The following ANKS6 variants were observed in gnomAD, a reference collection of about 807,000 sequenced individuals.
The protein encoded by ANKS6 is ankyrin repeat and SAM domain-containing protein 6.
Under a neutral mutation model 77.9 loss-of-function variants are expected in ANKS6, and 47 were observed. The observed-to-expected ratio is 0.60, with a 90% confidence interval of 0.48 to 0.77. The LOEUF (loss-of-function observed/expected upper bound fraction) is 0.77, where lower values mean the gene tolerates loss of function less well. ANKS6 is among the 30% of genes least tolerant of loss of function. The pLI, the probability that ANKS6 is intolerant of heterozygous loss-of-function variation, is 0.00. For missense variants in ANKS6, 1,150 were observed against 1,159.1 expected (o/e 0.99, Z 0.11); for synonymous variants, 488 against 501.7 (o/e 0.97, Z 0.37).
At chr9:98,766,054 C>G (rs143352864) in intron 11 of ANKS6, among the ~76,000 whole-genome samples, 1 of 152,128 alleles carries the variant, frequency 6.6e-6, no homozygotes, top group African/African-American at 2.4e-5. Flanking sequence ...CAGACCCTCC[C>G]GAGAGCCTCA....
chr9:98,795,380 T>C (rs992022905), intron 1 of ANKS6, among the ~76,000 whole-genome samples: 2 of 151,950 alleles, frequency 1.3e-5, no homozygotes, highest in Non-Finnish European at 2.9e-5. Flanking sequence ...CATGACTCCC[T>C]AGCACCTTCC....
chr9:98,765,910 A>G (rs1307851193), intron 11 of ANKS6, among the ~76,000 whole-genome samples: 1 of 152,236 alleles, frequency 6.6e-6, no homozygotes, highest in East Asian at 1.9e-4. Flanking sequence ...TTATCTTTGA[A>G]AAAGCACTTC....
chr9:98,790,403 T>A lies in ANKS6; in HGVS notation c.563A>T (p.Glu188Val). 6.2e-7 allele frequency: 1 copy of A among 1,613,726 alleles called. No homozygotes were observed. Among genetic ancestry groups the A allele is most frequent in the South Asian group, 1.1e-5 (1 of 91,078 alleles). The change falls in exon 2 of 15, where the codon GAG becomes GTG. Residue 188 changes from glutamate (E) to valine (V), a missense_variant. By Grantham distance (121) the Glu-to-Val change is moderately radical. Transcript: ENST00000353234. The stretch of plus-strand genomic sequence containing the variant: ...CATCAGGGCTGTGATGTCCAAGGGC[T>A]CATCCCTGCTGCCGCCCAACCCCAG... The part of the protein sequence containing the change: ...EQLGLGGSRD[E>V]PLDITALMAA...
chr9:98,747,117 T>C (rs549789833), intron 13 of ANKS6, among the ~76,000 whole-genome samples: 5 of 152,238 alleles, frequency 3.3e-5, no homozygotes, highest in Non-Finnish European at 7.3e-5. Flanking sequence ...AACAGCTTTA[T>C]GATCTACATT....
At position 98,778,420 on chromosome 9, in the gene ANKS6, C is replaced by T. The variant is rs1352161022; in HGVS notation, c.1373G>A (p.Trp458Ter). 1.2e-6 allele frequency: 2 copies of T among 1,613,748 alleles called. No individual in the cohort carries two copies. Among genetic ancestry groups the T allele is most frequent in the East Asian group, 2.2e-5 (1 of 44,872 alleles). Residue 458 changes from tryptophan (W) to a stop codon, truncating the protein, a stop_gained, in exon 7 of 15, where the codon TGG becomes TAG. Coordinates refer to ENST00000353234, the MANE Select transcript of ANKS6 (RefSeq NM_173551.5). LOFTEE classifies it high-confidence loss of function. ...LPDDKGGLKS[W>*]WNRMSNRFRK... ...GAACCGATTGGACATTCGGTTCCAC[C>T]AGGACTGCCAAAGGAACGCAGAGCA... is the stretch of plus-strand genomic sequence containing the variant.
Position 98,765,065 on chromosome 9 carries a change from C to T in ANKS6, c.2142+3016G>A, listed in dbSNP as rs149949591. Among the ~76,000 whole-genome samples the T allele has an allele frequency of 1.1e-3, 174 of 152,310 alleles. 1 individual carries two copies. Among genetic ancestry groups the T allele is most frequent in the Middle Eastern group, 0.01 (3 of 294 alleles). On this transcript the variant is annotated intron_variant, in intron 11 of 14. Coordinates refer to ENST00000353234, the MANE Select transcript of ANKS6 (RefSeq NM_173551.5). ...TGCCTGAGTGGAAAAAGAAGACCCT[C>T]CCTGAGGTTTTGAAAGACTTGCCAA...
At chr9:98,762,849 G>T (rs1833088345) in intron 11 of ANKS6, among the ~76,000 whole-genome samples, 1 of 151,536 alleles carries the variant, frequency 6.6e-6, no homozygotes, top group South Asian at 2.1e-4. Flanking sequence ...TTCTTTTCAT[G>T]TTAGTCATAA....
chr9:98,764,788 A>G (rs879589266), intron 11 of ANKS6, among the ~76,000 whole-genome samples: 4 of 152,210 alleles, frequency 2.6e-5, no homozygotes, highest in Admixed American at 6.5e-5. Flanking sequence ...TATACCTTCT[A>G]TTAGGACCTT....
rs1831370215 is a variant in ANKS6, at chr9:98,734,315, G to T, written c.*2204C>A. The T allele has an allele frequency of 1.0e-6, 1 of 985,352 alleles. No individual in the cohort carries two copies. The highest frequency in any genetic ancestry group is 1.2e-6 in the Non-Finnish European group (1 of 830,000). 61.0% of individuals were successfully genotyped at this position (985,352 alleles called of 1,614,324 possible). A position where few individuals can be genotyped will look rare whatever the true frequency, so the allele number is the denominator to read the frequency against. ...AGGGTCATCCAATGAGTTCATGGAGGTCTACATTTGTGAAAAGGTGACCCC... is the reference window on the plus strand; with the variant it reads ...AGGGTCATCCAATGAGTTCATGGAGTTCTACATTTGTGAAAAGGTGACCCC... On this transcript the variant is annotated 3_prime_UTR_variant, in exon 15 of 15. Coordinates refer to ENST00000353234, the MANE Select transcript of ANKS6 (RefSeq NM_173551.5).
intron 11 of ANKS6, among the ~76,000 whole-genome samples, chr9:98,761,346 T>C (rs1004733665): frequency 1.3e-5 from 2 of 152,194 alleles, no homozygotes; most frequent in Admixed American, 6.5e-5. Context: ...CACAGCTCAC[T>C]GCAGCCTTGA....
intron 12 of ANKS6, among the ~76,000 whole-genome samples, chr9:98,756,157 GC>G (rs1379051943): frequency 6.6e-6 from 1 of 152,164 alleles, no homozygotes; most frequent in Non-Finnish European, 1.5e-5. Context: ...TGTTGGAGAA[GC>G]ACTTCCATGG....
At chr9:98,773,847 T>C in intron 9 of ANKS6, 30 bp downstream of exon 9, 1 of 1,480,142 alleles carries the variant, frequency 6.8e-7, no homozygotes, top group East Asian at 2.4e-5. Context: ...CAGTGAGTGA[T>C]GTGTAAAAGT....
intron 2 of ANKS6, among the ~76,000 whole-genome samples, chr9:98,788,396 G>C (rs1279679202): frequency 6.6e-6 from 1 of 151,980 alleles, no homozygotes; most frequent in Non-Finnish European, 1.5e-5. Flanking sequence ...CTGCGAGGGT[G>C]AGGGGAGATT....
intron 11 of ANKS6, among the ~76,000 whole-genome samples, chr9:98,757,853 G>A (rs753581176): frequency 3.3e-5 from 5 of 151,976 alleles, no homozygotes; most frequent in Admixed American, 1.3e-4. Context: ...ACTTGAACCC[G>A]GGAGGCAGAG....
rs184743133 is a variant in ANKS6 at position 98,778,863 on chromosome 9, C to G, written c.1369-439G>C. On this transcript the variant is annotated intron_variant, in intron 6 of 14. Coordinates refer to ENST00000353234, the MANE Select transcript of ANKS6 (RefSeq NM_173551.5). ...GCTCTGGTGATAACGTGAGAGGCAT[C>G]AGGATCTCTATACCAGGGCCTGGGC... is the stretch of plus-strand genomic sequence containing the variant. 1.1e-4 allele frequency among the ~76,000 whole-genome samples: 16 copies of G among 152,322 alleles called. No individual in the cohort carries two copies. The East Asian group carries it at 2.9e-3, about 28-fold the overall frequency.
In ANKS6 at chr9:98,790,551, C is replaced by A; in HGVS notation, c.415G>T (p.Ala139Ser). The part of the protein sequence containing the change: ...LLLDHGADVN[A>S]QNRLGASVLT... ...ACACTGGCCCCCAGCCGGTTCTGGG[C>A]ATTGACATCAGCCCCGTGATCCAAC... Residue 139 changes from alanine to serine, a missense_variant, in exon 2 of 15, where the codon GCC becomes TCC. Physicochemically the swap from Ala to Ser is moderately conservative, Grantham distance 99. Coordinates refer to ENST00000353234, the MANE Select transcript of ANKS6 (RefSeq NM_173551.5). 1.2e-6 allele frequency: 2 copies of A among 1,612,478 alleles called. No individual in the cohort carries two copies. Among genetic ancestry groups the A allele is most frequent in the South Asian group, 1.1e-5 (1 of 91,054 alleles).
rs190075616 is a variant in ANKS6 at position 98,774,008 on chromosome 9, G to T, written c.1690C>A (p.Pro564Thr). The T allele has an allele frequency of 2.4e-4, 385 of 1,583,294 alleles. 2 individuals carry two copies. In the East Asian group the frequency reaches 4.0e-3, roughly 17 times the overall value. The change falls in exon 9 of 15, where the codon CCT becomes ACT. Residue 564 changes from proline (P) to threonine (T), a missense_variant. Pro to Thr is a conservative substitution (Grantham distance 38). Coordinates refer to ENST00000353234, the MANE Select transcript of ANKS6 (RefSeq NM_173551.5). ...GAGCTCCACAGCTCAAAACTGGAAG[G>T]GGGTAGGAATGGGGGGATGACTGCT... is the stretch of plus-strand genomic sequence containing the variant. The part of the protein sequence containing the change: ...LKAVIPPFLP[P>T]SSFELWSSDR...
chr9:98,764,508 G>A (rs1833168591), intron 11 of ANKS6, among the ~76,000 whole-genome samples: 1 of 152,078 alleles, frequency 6.6e-6, no homozygotes, highest in Non-Finnish European at 1.5e-5. Context: ...CCTCTATGCT[G>A]TGGCATTTGA....
In ANKS6 at chr9:98,732,759, A is replaced by C; in HGVS notation, c.*3760T>G. ...AAAGGGAAGAAGAAACGTGCTCAAC[A>C]TCACGCAGCACTAGGTCTATGTCCA... On this transcript the variant is annotated 3_prime_UTR_variant, in exon 15 of 15. Coordinates refer to ENST00000353234, the MANE Select transcript of ANKS6 (RefSeq NM_173551.5). The C allele has an allele frequency of 7.0e-7, 1 of 1,419,744 alleles. No homozygotes were observed. Among genetic ancestry groups the C allele is most frequent in the African/African-American group, 1.4e-5 (1 of 69,500 alleles). The allele number at this position is 1,419,744 out of a possible 1,614,324, so 87.9% of individuals were successfully genotyped here.
Sources: allele counts gnomAD v4.1 joint callset (sites outside exome capture counted in the v4.1 genomes callset), GRCh38; gene constraint gnomAD v4.1.1; transcripts MANE v1.5; gene names NCBI Gene and HGNC (gene_info 2026-07-23, HGNC 2026-07-21).